The following TBC1D22A variants were observed in gnomAD, a reference collection of about 807,000 sequenced individuals.
TBC1D22A encodes TBC1 domain family member 22A, also known as putative GTPase activator.
Under a neutral mutation model 60.2 loss-of-function variants are expected in TBC1D22A, and 38 were observed. The observed-to-expected ratio is 0.63, with a 90% CI of 0.49 to 0.83. The LOEUF is 0.83. Among genes scored for constraint, TBC1D22A ranks in the 40% least tolerant of loss-of-function variants. The pLI is 0.00. For synonymous variants in TBC1D22A, 302 were observed against 281.7 expected (o/e 1.07, Z -0.72); for missense variants, 628 against 701.0 (o/e 0.90, Z 1.18).
chr22:46,873,583 T>C (rs567151616), intron 4 of TBC1D22A, among the ~76,000 whole-genome samples: 1 of 152,118 alleles, frequency 6.6e-6, no homozygotes, highest in Non-Finnish European at 1.5e-5. Context: ...AAATGTGTCA[T>C]GGGGGTTTGT....
chr22:47,084,695 A>G (rs910275289), intron 11 of TBC1D22A, among the ~76,000 whole-genome samples: 4 of 152,254 alleles, frequency 2.6e-5, no homozygotes, highest in African/African-American at 9.6e-5. Flanking sequence ...GTCTGCAGCT[A>G]CACGAAGTAA....
intron 4 of TBC1D22A, among the ~76,000 whole-genome samples, chr22:46,873,245 C>T (rs2067375612): frequency 6.6e-6 from 1 of 152,120 alleles, no homozygotes; most frequent in Admixed American, 6.5e-5. Context: ...TCAACATACA[C>T]CTCACAAAAA....
chr22:46,902,135 G>T (rs946196487), intron 7 of TBC1D22A, among the ~76,000 whole-genome samples: 1 of 152,178 alleles, frequency 6.6e-6, no homozygotes, highest in African/African-American at 2.4e-5. Flanking sequence ...GCCCCTCCTG[G>T]GAGCCTTCTG....
At chr22:46,961,945 G>A (rs2073528763) in intron 8 of TBC1D22A, among the ~76,000 whole-genome samples, 1 of 152,162 alleles carries the variant, frequency 6.6e-6, no homozygotes, top group African/African-American at 2.4e-5. Flanking sequence ...TGTGTGAGTT[G>A]GATTGTTTGG....
intron 11 of TBC1D22A, among the ~76,000 whole-genome samples, chr22:47,056,851 G>A (rs1204730263): frequency 1.3e-5 from 2 of 152,216 alleles, no homozygotes; most frequent in East Asian, 3.9e-4. Flanking sequence ...CATTTTACCC[G>A]GGGAAGCTGC....
chr22:47,136,395 C>T (rs2066873911), intron 12 of TBC1D22A, among the ~76,000 whole-genome samples: 1 of 152,246 alleles, frequency 6.6e-6, no homozygotes, highest in South Asian at 2.1e-4. Flanking sequence ...TCTCCTACAG[C>T]ACCCAGCTCC....
At chr22:46,898,397 A>G (rs148145217) in intron 7 of TBC1D22A, among the ~76,000 whole-genome samples, 223 of 152,328 alleles carry the variant, frequency 1.5e-3, no homozygotes, top group African/African-American at 4.7e-3. Flanking sequence ...AGACAGGTCT[A>G]TGTCTTTCTC....
At chr22:46,970,341 C>G (rs1265178022) in intron 8 of TBC1D22A, among the ~76,000 whole-genome samples, 1 of 152,130 alleles carries the variant, frequency 6.6e-6, no homozygotes, top group Non-Finnish European at 1.5e-5. Flanking sequence ...TCATTTTTTC[C>G]TTTCAATCGC....
At chr22:47,163,633 G>T (rs1244249000) in intron 12 of TBC1D22A, among the ~76,000 whole-genome samples, 1 of 152,214 alleles carries the variant, frequency 6.6e-6, no homozygotes, top group Non-Finnish European at 1.5e-5. Context: ...AGGAGGGAAG[G>T]GCGGTGGAGG....
At chr22:47,052,637 T>C (rs1267027476) in intron 11 of TBC1D22A, among the ~76,000 whole-genome samples, 1 of 152,142 alleles carries the variant, frequency 6.6e-6, no homozygotes, top group Admixed American at 6.5e-5. Context: ...GGCAGCCACA[T>C]CACAGCCCTC....
chr22:47,115,496 G>A (rs376018207), intron 12 of TBC1D22A, among the ~76,000 whole-genome samples: 3 of 152,162 alleles, frequency 2.0e-5, no homozygotes, highest in Non-Finnish European at 2.9e-5. Context: ...CCAGACTTTC[G>A]TAGGGTCTTG....
At chr22:47,159,997 C>T (rs1364589710) in intron 12 of TBC1D22A, among the ~76,000 whole-genome samples, 2 of 152,072 alleles carry the variant, frequency 1.3e-5, no homozygotes, top group African/African-American at 4.8e-5. Context: ...ACACCCCACA[C>T]ACACACTGCA....
chr22:47,007,973 A>G (rs938534656), intron 10 of TBC1D22A, among the ~76,000 whole-genome samples: 1 of 152,244 alleles, frequency 6.6e-6, no homozygotes, highest in Non-Finnish European at 1.5e-5. Context: ...ATTCATTAGC[A>G]GGAAGCATGA....
intron 4 of TBC1D22A, among the ~76,000 whole-genome samples, chr22:46,856,187 A>ATCAC (rs2087561384): frequency 6.6e-6 from 1 of 152,162 alleles, no homozygotes. Flanking sequence ...GCCCTACCCG[A>ATCAC]AGTGTGGATG....
At chr22:46,841,858 G>A (rs923610713) in intron 4 of TBC1D22A, among the ~76,000 whole-genome samples, 2 of 152,218 alleles carry the variant, frequency 1.3e-5, no homozygotes, top group African/African-American at 4.8e-5. Flanking sequence ...ACGCACACAA[G>A]GTAACTGTAA....
At chr22:47,050,892 T>G (rs2063188821) in intron 11 of TBC1D22A, among the ~76,000 whole-genome samples, 1 of 152,116 alleles carries the variant, frequency 6.6e-6, no homozygotes. Flanking sequence ...GGTGGCAGCT[T>G]CTGCTCACAG....
chr22:46,965,097 G>T (rs1187104795), intron 8 of TBC1D22A, among the ~76,000 whole-genome samples: 1 of 152,228 alleles, frequency 6.6e-6, no homozygotes, highest in Non-Finnish European at 1.5e-5. Context: ...TGCTGGAGCG[G>T]TCAGTGAACG....
At chr22:47,083,073 T>A (rs1412362793) in intron 11 of TBC1D22A, among the ~76,000 whole-genome samples, 1 of 152,150 alleles carries the variant, frequency 6.6e-6, no homozygotes, top group Non-Finnish European at 1.5e-5. Flanking sequence ...AGAGAAAACA[T>A]ACCGCCTGAT....
At chr22:46,840,190 T>C (rs1387568530) in intron 4 of TBC1D22A, among the ~76,000 whole-genome samples, 1 of 152,188 alleles carries the variant, frequency 6.6e-6, no homozygotes, top group African/African-American at 2.4e-5. Context: ...ATTTGCAAAC[T>C]ATACATCTGA....
Sources: gnomAD v4.1 joint callset for allele counts (sites outside exome capture counted in the v4.1 genomes callset) on GRCh38, gnomAD v4.1.1 for gene constraint, MANE v1.5 for transcripts, NCBI Gene and HGNC (gene_info 2026-07-23, HGNC 2026-07-21) for gene names.